The following CSGALNACT1 variants were observed in gnomAD, a reference collection of about 807,000 sequenced individuals.
The protein encoded by CSGALNACT1 is beta4GalNAcT-1.
CSGALNACT1 carries 52 observed loss-of-function variants against 51.0 expected under a neutral mutation model. The observed-to-expected ratio is 1.02, with a 90% CI of 0.82 to 1.29. The LOEUF is 1.29. CSGALNACT1 is among the 50% of genes most tolerant of loss of function. The probability of loss-of-function intolerance (pLI) is 0.00; values close to 1 mark genes in which losing one functional copy is unlikely to be tolerated. For synonymous variants in CSGALNACT1, 341 were observed against 254.4 expected, an observed-to-expected ratio of 1.34 and a Z score of -3.24; for missense variants, 935 against 679.2, an observed-to-expected ratio of 1.38 and a Z score of -4.19.
intron 1 of CSGALNACT1, among the ~76,000 whole-genome samples, chr8:19,754,839 C>G (rs1051570437): frequency 6.6e-6 from 1 of 152,198 alleles, no homozygotes; most frequent in Non-Finnish European, 1.5e-5. Context: ...AAGCTCCTCT[C>G]CAACCCGGCT....
At chr8:19,713,985 A>G (rs890434924) in intron 1 of CSGALNACT1, among the ~76,000 whole-genome samples, 1 of 152,158 alleles carries the variant, frequency 6.6e-6, no homozygotes, top group Non-Finnish European at 1.5e-5. Context: ...ACTTTACTCA[A>G]TGGATGCATG....
chr8:19,450,233 G>C (rs1282988605), intron 5 of CSGALNACT1, among the ~76,000 whole-genome samples: 3 of 80,230 alleles, frequency 3.7e-5, no homozygotes, highest in Admixed American at 1.3e-4. Context: ...GAGGGGGAGG[G>C]GGCAGGGAGG....
At position 19,422,588 on chromosome 8, in the gene CSGALNACT1, G is replaced by A. The variant is rs150732894; in HGVS notation, c.954-2070C>T. 3.7e-3 allele frequency among the ~76,000 whole-genome samples: 557 copies of A among 152,266 alleles called. 3 individuals carry two copies. Among genetic ancestry groups the A allele is most frequent in the African/African-American group, 0.013 (531 of 41,548 alleles). On this transcript the variant is annotated intron_variant, in intron 6 of 9. Transcript: ENST00000454498. ...TTTATCTTGAGTCTTTTCTCTGGGG[G>A]GGTGCCCCCATTGCACATTTTCTGT...
chr8:19,671,462 C>T (rs1018085477), intron 1 of CSGALNACT1, among the ~76,000 whole-genome samples: 7 of 152,220 alleles, frequency 4.6e-5, no homozygotes, highest in South Asian at 2.1e-4. Context: ...ATAAAGTTAA[C>T]ACCCACCAAT....
At chr8:19,478,277 G>A (rs763616137) in intron 4 of CSGALNACT1, among the ~76,000 whole-genome samples, 1 of 152,082 alleles carries the variant, frequency 6.6e-6, no homozygotes, top group African/African-American at 2.4e-5. Flanking sequence ...GGCCGGGTGT[G>A]GTGGCGGGCA....
intron 3 of CSGALNACT1, among the ~76,000 whole-genome samples, chr8:19,548,687 T>C (rs1358280290): frequency 3.3e-5 from 5 of 152,232 alleles, no homozygotes; most frequent in African/African-American, 1.2e-4. Flanking sequence ...ACTATAAGAC[T>C]GACAATTAAA....
chr8:19,474,878 A>G (rs2069109351), intron 4 of CSGALNACT1, among the ~76,000 whole-genome samples: 1 of 150,702 alleles, frequency 6.6e-6, no homozygotes, highest in Admixed American at 6.6e-5. Context: ...AGAAAAAAAA[A>G]AAAAAAAAGA....
chr8:19,459,323 G>C lies in CSGALNACT1; in HGVS notation c.635-681C>G, dbSNP rs1185291017. ...GCTTGAACTCGGGAGGCAGAGGTTG[G>C]AGTGAGCCAAGTTTGTACCACTTCA... is the stretch of plus-strand genomic sequence containing the variant. On this transcript the variant is annotated intron_variant, in intron 4 of 9. Transcript: ENST00000454498. 2.0e-5 allele frequency among the ~76,000 whole-genome samples: 3 copies of C among 147,670 alleles called. No individual in the cohort carries two copies. In the East Asian group the frequency reaches 6.0e-4, roughly 30 times the overall value.
intron 3 of CSGALNACT1, among the ~76,000 whole-genome samples, chr8:19,550,553 C>T (rs1412074858): frequency 6.6e-6 from 1 of 152,098 alleles, no homozygotes; most frequent in African/African-American, 2.4e-5. Flanking sequence ...CCCTTATTTC[C>T]TCTGAGACGT....
At chr8:19,433,814 T>C (rs2059986603) in intron 6 of CSGALNACT1, among the ~76,000 whole-genome samples, 1 of 152,212 alleles carries the variant, frequency 6.6e-6, no homozygotes, top group Non-Finnish European at 1.5e-5. Flanking sequence ...GTATCATTAG[T>C]ATTAGTATAT....
intron 1 of CSGALNACT1, among the ~76,000 whole-genome samples, chr8:19,624,059 T>G (rs935573530): frequency 6.6e-6 from 1 of 152,222 alleles, no homozygotes; most frequent in Non-Finnish European, 1.5e-5. Context: ...GTAAATTACG[T>G]GCTAAACCCT....
intron 1 of CSGALNACT1, among the ~76,000 whole-genome samples, chr8:19,629,855 T>G (rs960608270): frequency 2.0e-5 from 3 of 152,160 alleles, no homozygotes; most frequent in Non-Finnish European, 4.4e-5. Context: ...GGTATGCAAA[T>G]TGAATTAGAA....
intron 4 of CSGALNACT1, among the ~76,000 whole-genome samples, chr8:19,484,040 T>C (rs2072211508): frequency 6.6e-6 from 1 of 152,180 alleles, no homozygotes; most frequent in Non-Finnish European, 1.5e-5. Flanking sequence ...ACCTAGGCAG[T>C]GGACACTATC....
chr8:19,410,162 G>A (rs1279079966), intron 8 of CSGALNACT1, among the ~76,000 whole-genome samples: 1 of 152,160 alleles, frequency 6.6e-6, no homozygotes, highest in Non-Finnish European at 1.5e-5. Flanking sequence ...CAAGCATCAG[G>A]ACTGCTCAAG....
chr8:19,432,391 GA>G (rs1469821424), intron 6 of CSGALNACT1, among the ~76,000 whole-genome samples: 3 of 152,138 alleles, frequency 2.0e-5, no homozygotes, highest in Non-Finnish European at 4.4e-5. Context: ...TCAAAAATGT[GA>G]TTATAAGTTT....
chr8:19,483,112 C>G (rs1200918959), intron 4 of CSGALNACT1, among the ~76,000 whole-genome samples: 1 of 152,224 alleles, frequency 6.6e-6, no homozygotes, highest in Non-Finnish European at 1.5e-5. Context: ...ACCCACTTCT[C>G]TTATCCCTAA....
chr8:19,725,982 G>C (rs1241001233), intron 1 of CSGALNACT1, among the ~76,000 whole-genome samples: 2 of 152,090 alleles, frequency 1.3e-5, no homozygotes, highest in Admixed American at 1.3e-4. Context: ...CAATGACATG[G>C]AGCCACAATT....
chr8:19,509,820 G>A (rs949774865), intron 3 of CSGALNACT1, among the ~76,000 whole-genome samples: 2 of 152,046 alleles, frequency 1.3e-5, no homozygotes, highest in Non-Finnish European at 2.9e-5. Context: ...GGAAAGCAAC[G>A]TGTAATTACC....
intron 3 of CSGALNACT1, among the ~76,000 whole-genome samples, chr8:19,580,907 T>G (rs2045421197): frequency 6.6e-6 from 1 of 151,978 alleles, no homozygotes. Flanking sequence ...ACAGAAAAGT[T>G]TTATTGGAGT....
Sources: allele counts gnomAD v4.1 joint callset (sites outside exome capture counted in the v4.1 genomes callset), GRCh38; gene constraint gnomAD v4.1.1; transcripts MANE v1.5; gene names NCBI Gene and HGNC (gene_info 2026-07-23, HGNC 2026-07-21).